The following PLA2G4D variants were observed in gnomAD, a reference collection of about 807,000 sequenced individuals.
The protein encoded by PLA2G4D is cytosolic phospholipase A2 delta.
In PLA2G4D, 80 loss-of-function variants were observed where a neutral mutation model predicts 94.4. The ratio of observed to expected loss-of-function variants is 0.85; its 90% CI spans 0.71 to 1.02. The LOEUF (loss-of-function observed/expected upper bound fraction) is 1.02. PLA2G4D is among the 50% of genes least tolerant of loss of function. The pLI is 0.00. For synonymous variants in PLA2G4D, 438 were observed against 440.9 expected (o/e 0.99, Z 0.08); for missense variants, 1,050 against 1,034.7 (o/e 1.01, Z -0.20).
At chr15:42,071,369 T>C (rs2141092641) in intron 16 of PLA2G4D, 52 bp from the exon 17 acceptor site, 1 of 1,569,314 alleles carries the variant, frequency 6.4e-7, no homozygotes, top group Non-Finnish European at 8.6e-7. Context: ...CTTCTTCCCC[T>C]CAGACACCGC....
In PLA2G4D at chr15:42,081,103, C is replaced by T. The variant is rs1367027987; in HGVS notation, c.988G>A (p.Gly330Arg). ...VPVVGIMATGGGARAMTSLYG... is the reference protein window; with the variant it reads ...VPVVGIMATGRGARAMTSLYG... ...AGTGAGGTCATGGCCCGGGCACCTCCTCCTGTGGCCATGATGCCCACAACG... is the reference window on the plus strand; with the variant it reads ...AGTGAGGTCATGGCCCGGGCACCTCTTCCTGTGGCCATGATGCCCACAACG... The change falls in exon 12 of 20, where the codon GGA becomes AGA. Residue 330 changes from glycine (G) to arginine (R), a missense_variant. Physicochemically the swap from Gly to Arg is moderately radical, Grantham distance 125 (BLOSUM62 -2). Coordinates refer to ENST00000290472, the MANE Select transcript of PLA2G4D (RefSeq NM_178034.4). 1.2e-6 allele frequency: 2 copies of T among 1,614,070 alleles called. No individual in the cohort carries two copies. Among genetic ancestry groups the T allele is most frequent in the African/African-American group, 1.3e-5 (1 of 74,948 alleles).
intron 1 of PLA2G4D, among the ~76,000 whole-genome samples, chr15:42,093,760 G>A (rs886617875): frequency 1.8e-4 from 27 of 152,328 alleles, no homozygotes; most frequent in Admixed American, 3.3e-4. Flanking sequence ...TGCATATGAG[G>A]CAAAGGACCT....
chr15:42,074,289 C>A (rs1437358707), intron 13 of PLA2G4D, among the ~76,000 whole-genome samples: 3 of 152,124 alleles, frequency 2.0e-5, no homozygotes, highest in Non-Finnish European at 4.4e-5. Flanking sequence ...AAGCAAGTAA[C>A]CCCAACCCTG....
chr15:42,085,255 G>A, intron 5 of PLA2G4D, 117 bp from the exon 6 acceptor site: 2 of 1,243,862 alleles, frequency 1.6e-6, no homozygotes, highest in Middle Eastern at 1.9e-4. Flanking sequence ...TTCGGTTCAG[G>A]GACAAGGGGA....
intron 1 of PLA2G4D, among the ~76,000 whole-genome samples, chr15:42,093,062 C>G (rs954948888): frequency 5.3e-5 from 8 of 152,186 alleles, no homozygotes; most frequent in African/African-American, 1.9e-4. Context: ...CAGGCACGTT[C>G]CAGAACAGGT....
In PLA2G4D at chr15:42,082,387, G is replaced by A. The variant is rs758536831; in HGVS notation, c.675C>T (p.Ser225=). The change falls in exon 9 of 20, where the codon AGC becomes AGT. Residue 225 remains serine, a splice_region_variant and synonymous_variant. Coordinates refer to ENST00000290472, the MANE Select transcript of PLA2G4D (RefSeq NM_178034.4). ...CCCCATTCCAGCCATTGCTTCTGGA[G>A]CTCTGAAGGGAAAGCATCATTCATT... ...LETELSGRLR[S]SRSNGWNGDN... 3.1e-6 allele frequency: 5 copies of A among 1,612,252 alleles called. No homozygotes were observed. In the South Asian group the frequency reaches 4.4e-5, roughly 14 times the overall value.
Position 42,069,899 on chromosome 15 carries a change from G to A in PLA2G4D, c.2230+10C>T, listed in dbSNP as rs1315589558. 7.1e-6 allele frequency: 10 copies of A among 1,403,768 alleles called. No individual in the cohort carries two copies. The highest frequency in any genetic ancestry group is 7.4e-6 in the Non-Finnish European group (8 of 1,078,866). 87.0% of individuals were successfully genotyped at this position (1,403,768 alleles called of 1,614,324 possible). A position where few individuals can be genotyped will look rare whatever the true frequency, so the allele number is the denominator to read the frequency against. ...CAGGCAGCCTGGGTGCTTGGGAGGG[G>A]CTGCCTCACCGGGGGCTGAGTGGTC... On this transcript the variant is annotated intron_variant, in intron 19 of 19. Transcript: ENST00000290472.
At position 42,068,824 on chromosome 15, in the gene PLA2G4D, C is replaced by T. The variant is rs750052; in HGVS notation, c.2348G>A (p.Arg783Gln). ...GGTCTGCACGTTGTAGTCACTGAGC[C>T]GCAGCAGGCGCTCGAAGTCTTCCTC... is the stretch of plus-strand genomic sequence containing the variant. ...YKEEDFERLLRLSDYNVQTSQ... is the reference protein window; with the variant it reads ...YKEEDFERLLQLSDYNVQTSQ... Residue 783 changes from arginine (R) to glutamine (Q), a missense_variant, in exon 20 of 20, where the codon CGG becomes CAG. By Grantham distance (43) the Arg-to-Gln change is conservative (BLOSUM62 1). Coordinates refer to ENST00000290472, the MANE Select transcript of PLA2G4D (RefSeq NM_178034.4). 162,905 of 1,613,732 alleles carry T rather than the reference C, an allele frequency of 0.1. 9,264 individuals carry two copies. Among genetic ancestry groups the T allele is most frequent in the Non-Finnish European group, 0.12 (137,693 of 1,179,832 alleles).
At chr15:42,085,373 G>T in intron 5 of PLA2G4D, 118 bp downstream of exon 5, 1 of 1,240,562 alleles carries the variant, frequency 8.1e-7, no homozygotes, top group Non-Finnish European at 1.2e-6. Context: ...GACCTCTCTG[G>T]CAGGGGTAGG....
chr15:42,071,395 TA>T, intron 16 of PLA2G4D, 48 bp downstream of exon 16: 1 of 1,576,062 alleles, frequency 6.3e-7, no homozygotes, highest in Non-Finnish European at 8.6e-7. Flanking sequence ...GCAAGCATTC[TA>T]AAGGAACAGC....
At chr15:42,069,680 G>A (rs1050295788) in intron 19 of PLA2G4D, among the ~76,000 whole-genome samples, 1 of 152,120 alleles carries the variant, frequency 6.6e-6, no homozygotes, top group Non-Finnish European at 1.5e-5. Context: ...CCGGCATCAT[G>A]ACAAAGGGGA....
intron 11 of PLA2G4D, 135 bp downstream of exon 11, chr15:42,081,344 C>T: frequency 6.9e-7 from 1 of 1,453,696 alleles, no homozygotes; most frequent in Non-Finnish European, 9.2e-7. Context: ...AACCACAAAG[C>T]CCACTCACGC....
chr15:42,086,194 T>TTGGGGGGGGGCCC lies in PLA2G4D; in HGVS notation c.387+18_387+19insGGGCCCCCCCCCA. On this transcript the variant is annotated intron_variant, in intron 4 of 19. Coordinates refer to ENST00000290472, the MANE Select transcript of PLA2G4D (RefSeq NM_178034.4). Reference sequence around the variant, plus strand: ...GGAAGAAGTGGGGCCCACGGGGACTTCCCCACCCACCCACCCACCTGGGGA... The same window carrying TTGGGGGGGGGCCC: ...GGAAGAAGTGGGGCCCACGGGGACTTTGGGGGGGGGCCCCCCCACCCACCCACCCACCTGGGGA... 7.3e-6 allele frequency: 10 copies of TTGGGGGGGGGCCC among 1,370,438 alleles called. No homozygotes were observed. Among genetic ancestry groups the TTGGGGGGGGGCCC allele is most frequent in the African/African-American group, 1.6e-5 (1 of 64,356 alleles). 84.9% of individuals were successfully genotyped at this position (1,370,438 alleles called of 1,614,324 possible).
rs1889739376 is a variant in PLA2G4D, at chr15:42,068,812, T to C, written c.2360A>G (p.Tyr787Cys). The C allele has an allele frequency of 1.9e-6, 3 of 1,613,742 alleles. No homozygotes were observed. Among genetic ancestry groups the C allele is most frequent in the Non-Finnish European group, 2.5e-6 (3 of 1,179,904 alleles). Residue 787 changes from tyrosine (Y) to cysteine (C), a missense_variant, in exon 20 of 20, where the codon TAC becomes TGC. Physicochemically the swap from Tyr to Cys is radical, Grantham distance 194. Transcript: ENST00000290472. ...GGCACCCTGGCTGGTCTGCACGTTG[T>C]AGTCACTGAGCCGCAGCAGGCGCTC... is the stretch of plus-strand genomic sequence containing the variant. ...DFERLLRLSD[Y>C]NVQTSQGAIL...
chr15:42,086,194 T>TGGGGGGGGGGGGGGGGGGGG lies in PLA2G4D; in HGVS notation c.387+18_387+19insCCCCCCCCCCCCCCCCCCCC. The TGGGGGGGGGGGGGGGGGGGG allele has an allele frequency of 1.5e-5, 21 of 1,370,414 alleles. No homozygotes were observed. The highest frequency in any genetic ancestry group is 1.7e-5 in the Non-Finnish European group (18 of 1,043,066). The allele number at this position is 1,370,414 out of a possible 1,614,324, so 84.9% of individuals were successfully genotyped here. A position where few individuals can be genotyped will look rare whatever the true frequency, so the allele number is the denominator to read the frequency against. ...GGAAGAAGTGGGGCCCACGGGGACT[T>TGGGGGGGGGGGGGGGGGGGG]CCCCACCCACCCACCCACCTGGGGA... is the stretch of plus-strand genomic sequence containing the variant. On this transcript the variant is annotated intron_variant, in intron 4 of 19. Transcript: ENST00000290472.
In PLA2G4D at chr15:42,090,608, T is replaced by C. The variant is rs1439560683; in HGVS notation, c.46-2908A>G. Among the ~76,000 whole-genome samples, 5 of 151,760 alleles carry C rather than the reference T, an allele frequency of 3.3e-5. No homozygotes were observed. In the South Asian group the frequency reaches 8.3e-4, roughly 25 times the overall value. On this transcript the variant is annotated intron_variant, in intron 1 of 19. Transcript: ENST00000290472. ...TGCAGGAGGTCAGAGAGAAGAGGAG[T>C]GGAACACCTGGGCACAGCCCCTGGT...
chr15:42,072,984 T>C (rs995562208), intron 13 of PLA2G4D, among the ~76,000 whole-genome samples: 3 of 152,142 alleles, frequency 2.0e-5, no homozygotes, highest in Admixed American at 6.5e-5. Flanking sequence ...TCCTCCTCAA[T>C]AGAGCTCCAA....
At chr15:42,087,779 C>A in intron 1 of PLA2G4D, 79 bp from the exon 2 acceptor site, 1 of 1,414,694 alleles carries the variant, frequency 7.1e-7, no homozygotes, top group Admixed American at 1.9e-5. Context: ...GCTGCCGACA[C>A]CCCTCACCAC....
Position 42,086,194 on chromosome 15 carries a change from T to TGGGGGGGGGGGGCCC in PLA2G4D, c.387+18_387+19insGGGCCCCCCCCCCCC. Reference sequence around the variant, plus strand: ...GGAAGAAGTGGGGCCCACGGGGACTTCCCCACCCACCCACCCACCTGGGGA... The same window carrying TGGGGGGGGGGGGCCC: ...GGAAGAAGTGGGGCCCACGGGGACTTGGGGGGGGGGGGCCCCCCCACCCACCCACCCACCTGGGGA... On this transcript the variant is annotated intron_variant, in intron 4 of 19. Coordinates refer to ENST00000290472, the MANE Select transcript of PLA2G4D (RefSeq NM_178034.4). 13 of 1,370,436 alleles carry TGGGGGGGGGGGGCCC rather than the reference T, an allele frequency of 9.5e-6. No homozygotes were observed. The highest frequency in any genetic ancestry group is 2.7e-5 in the East Asian group (1 of 37,160). 84.9% of individuals were successfully genotyped at this position (1,370,436 alleles called of 1,614,324 possible). A position where few individuals can be genotyped will look rare whatever the true frequency, so the allele number is the denominator to read the frequency against.
Sources: allele counts gnomAD v4.1 joint callset (sites outside exome capture counted in the v4.1 genomes callset), GRCh38; gene constraint gnomAD v4.1.1; transcripts MANE v1.5; gene names NCBI Gene and HGNC (gene_info 2026-07-23, HGNC 2026-07-21).